HS6ST3: variants seen among roughly 807,000 people sequenced by gnomAD.
HS6ST3 encodes heparan-sulfate 6-O-sulfotransferase 3.
In HS6ST3, 12 loss-of-function variants were observed where a neutral mutation model predicts 36.7. The ratio of observed to expected loss-of-function variants is 0.33; its 90% CI spans 0.21 to 0.53. The LOEUF (loss-of-function observed/expected upper bound fraction) is 0.53. HS6ST3 is among the 20% of genes least tolerant of loss of function. The pLI, the probability that HS6ST3 is intolerant of heterozygous loss-of-function variation, is 0.95. For synonymous variants in HS6ST3, 240 were observed against 257.5 expected (o/e 0.93, Z 0.65); for missense variants, 584 against 640.9 (o/e 0.91, Z 0.96).
intron 1 of HS6ST3, among the ~76,000 whole-genome samples, chr13:96,392,512 C>G (rs2389657): frequency 0.83 from 125,606 of 152,094 alleles, 52,230 homozygotes; most frequent in Non-Finnish European, 0.87. Context: ...TGACCCAGAG[C>G]GTTGGTTTGA....
At position 96,614,317 on chromosome 13, in the gene HS6ST3, A is replaced by C. The variant is rs1048163339; in HGVS notation, c.708-218173A>C. Among the ~76,000 whole-genome samples the C allele has an allele frequency of 4.1e-3, 618 of 149,896 alleles. 4 individuals are homozygous for C. The highest frequency in any genetic ancestry group is 0.011 in the African/African-American group (452 of 40,686). ...CATCTCAAAAAAAAAAAAAAAAAAA[A>C]AAAAAAAAAAACAGTTATTACCAGA... On this transcript the variant is annotated intron_variant, in intron 1 of 1. Coordinates refer to ENST00000376705, the MANE Select transcript of HS6ST3 (RefSeq NM_153456.4).
chr13:96,761,108 AT>A (rs545318751), intron 1 of HS6ST3, among the ~76,000 whole-genome samples: 23 of 148,232 alleles, frequency 1.6e-4, no homozygotes, highest in African/African-American at 4.9e-4. Flanking sequence ...GACGTGTTGA[AT>A]TTTTTTTCAC....
intron 1 of HS6ST3, among the ~76,000 whole-genome samples, chr13:96,448,855 A>G (rs2055712422): frequency 6.6e-6 from 1 of 152,176 alleles, no homozygotes; most frequent in African/African-American, 2.4e-5. Context: ...TTTGTATGTC[A>G]TGCCCTGCAC....
chr13:96,284,385 G>A (rs1159710427), intron 1 of HS6ST3, among the ~76,000 whole-genome samples: 1 of 152,164 alleles, frequency 6.6e-6, no homozygotes, highest in Non-Finnish European at 1.5e-5. Flanking sequence ...TCAGTCTGTG[G>A]CCAAAGGTCC....
At chr13:96,751,070 C>T (rs1876688585) in intron 1 of HS6ST3, among the ~76,000 whole-genome samples, 1 of 151,888 alleles carries the variant, frequency 6.6e-6, no homozygotes, top group Admixed American at 6.6e-5. Flanking sequence ...CTTTTTTTTA[C>T]CCTCATCATA....
rs1283127419 is a variant in HS6ST3 at position 96,832,815 on chromosome 13, C to A, written c.1033C>A (p.Leu345Met). Residue 345 changes from leucine to methionine, a missense_variant, in exon 2 of 2, where the codon CTG (leucine) becomes ATG (methionine). Coordinates refer to ENST00000376705, the MANE Select transcript of HS6ST3 (RefSeq NM_153456.4). ...CCTGTTGCAGAGTGCAAAGAACAAC[C>A]TGAAGAACATGGCCTTCTTTGGGCT... ...TILLQSAKNN[L>M]KNMAFFGLTE... 1 of 1,614,180 alleles carries A rather than the reference C, an allele frequency of 6.2e-7. No individual in the cohort carries two copies. The highest frequency in any genetic ancestry group is 8.5e-7 in the Non-Finnish European group (1 of 1,180,034).
intron 1 of HS6ST3, among the ~76,000 whole-genome samples, chr13:96,212,208 CT>C (rs1485052020): frequency 6.6e-6 from 1 of 152,112 alleles, no homozygotes. Context: ...GGTTTAATGC[CT>C]GGGTTTTTTA....
chr13:96,308,863 A>T (rs2054926645), intron 1 of HS6ST3, among the ~76,000 whole-genome samples: 1 of 152,136 alleles, frequency 6.6e-6, no homozygotes, highest in Non-Finnish European at 1.5e-5. Flanking sequence ...GGAAAATTGC[A>T]TACACATGTT....
At chr13:96,286,030 CCT>C (rs1055140676) in intron 1 of HS6ST3, among the ~76,000 whole-genome samples, 38 of 147,172 alleles carry the variant, frequency 2.6e-4, no homozygotes, top group Admixed American at 1.7e-3. Flanking sequence ...CTTCTTCCTG[CCT>C]CTCTTTCTCT....
rs1022379757 is a variant in HS6ST3, at chr13:96,515,468, G to A, written c.708-317022G>A. Among the ~76,000 whole-genome samples the A allele has an allele frequency of 5.3e-5, 8 of 152,282 alleles. No individual in the cohort carries two copies. In the East Asian group the frequency reaches 1.2e-3, roughly 22 times the overall value. On this transcript the variant is annotated intron_variant, in intron 1 of 1. Transcript: ENST00000376705. ...TCCTGCACATGCAGAGCACATTCAC[G>A]TTTTATGCATTTACATGTGCTAGGA... is the stretch of plus-strand genomic sequence containing the variant.
chr13:96,105,400 C>T (rs540863294), intron 1 of HS6ST3, among the ~76,000 whole-genome samples: 15 of 152,252 alleles, frequency 9.9e-5, no homozygotes, highest in South Asian at 4.1e-4. Context: ...CCTATAATCC[C>T]GGCACTTTGG....
Position 96,834,490 on chromosome 13 carries a change from T to C in HS6ST3, c.*1292T>C, listed in dbSNP as rs1275584255. The C allele has an allele frequency of 6.6e-6, 1 of 152,238 alleles. No individual in the cohort carries two copies. Among genetic ancestry groups the C allele is most frequent in the Non-Finnish European group, 1.5e-5 (1 of 68,052 alleles). The allele number at this position is 152,238 out of a possible 1,614,324, so 9.4% of individuals were successfully genotyped here. A position where few individuals can be genotyped will look rare whatever the true frequency, so the allele number is the denominator to read the frequency against. On this transcript the variant is annotated 3_prime_UTR_variant, in exon 2 of 2. Transcript: ENST00000376705. ...AGAAATGTGCTGCATTGCCGAGTTC[T>C]TATTTTCACCTTTTCATAATCCCAA...
At chr13:96,399,470 A>C in intron 1 of HS6ST3, among the ~76,000 whole-genome samples, 1 of 152,214 alleles carries the variant, frequency 6.6e-6, no homozygotes, top group South Asian at 2.1e-4. Context: ...CATAGCCTCT[A>C]TGCATTTTGG....
At chr13:96,395,087 A>G (rs986392046) in intron 1 of HS6ST3, among the ~76,000 whole-genome samples, 1 of 152,176 alleles carries the variant, frequency 6.6e-6, no homozygotes, top group Non-Finnish European at 1.5e-5. Context: ...CTTCTGGCTA[A>G]TGCACTTATA....
At chr13:96,150,810 A>G (rs978775375) in intron 1 of HS6ST3, among the ~76,000 whole-genome samples, 10 of 152,204 alleles carry the variant, frequency 6.6e-5, no homozygotes, top group Non-Finnish European at 1.5e-5. Context: ...TGTATTTTGA[A>G]TAAGAAGAAA....
At chr13:96,139,541 G>GCAAAAAAAAAA (rs371698480) in intron 1 of HS6ST3, among the ~76,000 whole-genome samples, 3 of 66,282 alleles carry the variant, frequency 4.5e-5, no homozygotes, top group African/African-American at 1.8e-4. Context: ...GTAAGATTCA[G>GCAAAAAAAAAA]AAAAAAAAAA....
chr13:96,438,916 A>AAG (rs1410818393), intron 1 of HS6ST3, among the ~76,000 whole-genome samples: 1 of 152,062 alleles, frequency 6.6e-6, no homozygotes. Context: ...AAATACAAAA[A>AAG]AATTAGTTGG....
intron 1 of HS6ST3, among the ~76,000 whole-genome samples, chr13:96,674,569 C>T (rs190424914): frequency 6.6e-6 from 1 of 152,154 alleles, no homozygotes; most frequent in Non-Finnish European, 1.5e-5. Flanking sequence ...CTTCATGAGC[C>T]GACTCTCACA....
At chr13:96,348,066 C>T (rs755680809) in intron 1 of HS6ST3, among the ~76,000 whole-genome samples, 1 of 152,168 alleles carries the variant, frequency 6.6e-6, no homozygotes, top group Non-Finnish European at 1.5e-5. Flanking sequence ...TAAATGTCAA[C>T]ACTATGCAAT....
Sources: gnomAD v4.1 joint callset for allele counts (sites outside exome capture counted in the v4.1 genomes callset) on GRCh38, gnomAD v4.1.1 for gene constraint, MANE v1.5 for transcripts, NCBI Gene and HGNC (gene_info 2026-07-23, HGNC 2026-07-21) for gene names.